GPHB5: variants seen among roughly 807,000 people sequenced by gnomAD.
GPHB5 encodes the protein glycoprotein hormone subunit beta 5.
Under a neutral mutation model 10.1 loss-of-function variants are expected in GPHB5, and 7 were observed. That is an observed-to-expected ratio of 0.69 (90% confidence interval 0.39 to 1.30). The LOEUF is 1.30. Ranked by LOEUF, GPHB5 falls within the 50% of genes most tolerant of loss-of-function variation. The pLI, the probability that GPHB5 is intolerant of heterozygous loss-of-function variation, is 0.01. For synonymous variants in GPHB5, 68 were observed against 70.1 expected (o/e 0.97, Z 0.15); for missense variants, 161 against 169.8 (o/e 0.95, Z 0.29).
rs1882798386 is a variant in GPHB5, at chr14:63,317,801, C to T, written c.49G>A (p.Ala17Thr). 9.3e-6 allele frequency: 15 copies of T among 1,613,928 alleles called. No homozygotes were observed. The highest frequency in any genetic ancestry group is 1.3e-5 in the Non-Finnish European group (15 of 1,179,898). Residue 17 changes from alanine to threonine, a missense_variant, in exon 2 of 3, where the codon GCT becomes ACT. Coordinates refer to ENST00000621500, the MANE Select transcript of GPHB5 (RefSeq NM_145171.4). ...GCACCGAGGACACAGCCATAGCCAG[C>T]CAGAAGGAGGAGGGCCATGGGGCCA... ...FLGPMALLLLAGYGCVLGASS... is the reference protein window; with the variant it reads ...FLGPMALLLLTGYGCVLGASS...
chr14:63,318,514 C>A (rs1882811287), intron 1 of GPHB5, among the ~76,000 whole-genome samples: 1 of 152,164 alleles, frequency 6.6e-6, no homozygotes, highest in Non-Finnish European at 1.5e-5. Context: ...ACTTATGATT[C>A]AATTTAAATC....
In GPHB5 at chr14:63,312,945, C is replaced by T. The variant is rs756336696; in HGVS notation, c.376G>A (p.Glu126Lys). ...TAGCGGCCTCAGATGGTCTCACACT[C>T]CGTGGTGGCAGTGGAGCAGGCTCCG... The part of the protein sequence containing the change: ...DCGACSTATT[E>K]CETI Residue 126 changes from glutamate (E) to lysine (K), a missense_variant, in exon 3 of 3, where the codon GAG becomes AAG. By Grantham distance (56) the Glu-to-Lys change is moderately conservative (BLOSUM62 1). Coordinates refer to ENST00000621500, the MANE Select transcript of GPHB5 (RefSeq NM_145171.4). 2 of 1,552,792 alleles carry T rather than the reference C, an allele frequency of 1.3e-6. No homozygotes were observed. Among genetic ancestry groups the T allele is most frequent in the African/African-American group, 1.4e-5 (1 of 73,140 alleles).
At chr14:63,317,912 C>G in intron 1 of GPHB5, 62 bp from the exon 2 acceptor site, 1 of 1,463,532 alleles carries the variant, frequency 6.8e-7, no homozygotes, top group South Asian at 1.2e-5. Flanking sequence ...AATGGCACAG[C>G]CAACCATGCA....
At chr14:63,314,558 A>C (rs1392037782) in intron 2 of GPHB5, among the ~76,000 whole-genome samples, 1 of 145,364 alleles carries the variant, frequency 6.9e-6, no homozygotes, top group African/African-American at 2.6e-5. Context: ...GACTACAGGC[A>C]CCCACCACCA....
At chr14:63,318,574 G>A (rs79120756) in intron 1 of GPHB5, among the ~76,000 whole-genome samples, 1,663 of 152,220 alleles carry the variant, frequency 0.011, 29 homozygotes, top group African/African-American at 0.037. Flanking sequence ...TCAATCCACC[G>A]TCAAGTCCAC....
intron 2 of GPHB5, among the ~76,000 whole-genome samples, chr14:63,314,065 A>C (rs1037465793): frequency 6.6e-6 from 1 of 152,214 alleles, no homozygotes; most frequent in Non-Finnish European, 1.5e-5. Context: ...ACATTACAAG[A>C]CAGGTTCCCG....
intron 2 of GPHB5, among the ~76,000 whole-genome samples, chr14:63,315,615 A>G (rs1344288133): frequency 6.6e-6 from 1 of 152,146 alleles, no homozygotes; most frequent in African/African-American, 2.4e-5. Context: ...TTCAAATGTA[A>G]ATCCAGCCAG....
chr14:63,317,223 A>C (rs1882785689), intron 2 of GPHB5, among the ~76,000 whole-genome samples: 1 of 152,070 alleles, frequency 6.6e-6, no homozygotes, highest in Admixed American at 6.5e-5. Context: ...AAACTGGCTA[A>C]TTTATCCAAA....
intron 1 of GPHB5, among the ~76,000 whole-genome samples, chr14:63,318,581 C>T (rs1882812239): frequency 6.6e-6 from 1 of 152,204 alleles, no homozygotes; most frequent in South Asian, 2.1e-4. Flanking sequence ...ACCGTCAAGT[C>T]CACCCTCTCT....
chr14:63,314,126 AC>A (rs1429791221), intron 2 of GPHB5, among the ~76,000 whole-genome samples: 5 of 152,244 alleles, frequency 3.3e-5, no homozygotes, highest in Non-Finnish European at 5.9e-5. Flanking sequence ...TCCTTCCTTC[AC>A]CTTTTATAAA....
In GPHB5 at chr14:63,317,695, C is replaced by A. The variant is rs79957669; in HGVS notation, c.155G>T (p.Gly52Val). ...TFLAKKPGCR[G>V]LRITTDACWG... ...GCAGGCATCCGTGGTGATCCGAAGG[C>A]CCCTGCAGCCTGGCTTCTTGGCCAG... The change falls in exon 2 of 3, where the codon GGC becomes GTC. Residue 52 changes from glycine to valine, a missense_variant. Gly to Val is a moderately radical substitution (Grantham distance 109, BLOSUM62 -3). Coordinates refer to ENST00000621500, the MANE Select transcript of GPHB5 (RefSeq NM_145171.4). 6 of 1,614,014 alleles carry A rather than the reference C, an allele frequency of 3.7e-6. No homozygotes were observed. The East Asian group carries it at 1.3e-4, about 36-fold the overall frequency.
chr14:63,313,170 A>C (rs184467105), intron 2 of GPHB5, 54 bp from the exon 3 acceptor site: 5 of 1,372,976 alleles, frequency 3.6e-6, no homozygotes, highest in South Asian at 1.4e-5. Flanking sequence ...ATCTTGTTTC[A>C]GTTTTTTAGT....
chr14:63,317,501 ATAGT>A, intron 2 of GPHB5, 141 bp downstream of exon 2: 1 of 690,882 alleles, frequency 1.4e-6, no homozygotes, highest in East Asian at 2.7e-5. Context: ...GATGCCAATC[ATAGT>A]TTTGTTTTGG....
intron 2 of GPHB5, among the ~76,000 whole-genome samples, chr14:63,316,059 G>A (rs550695490): frequency 6.6e-6 from 1 of 152,354 alleles, no homozygotes; most frequent in South Asian, 2.1e-4. Flanking sequence ...CCCTGAACAG[G>A]AGGAGGTGCC....
intron 1 of GPHB5, 94 bp from the exon 2 acceptor site, chr14:63,317,944 T>G: frequency 9.0e-7 from 1 of 1,115,782 alleles, no homozygotes; most frequent in Admixed American, 2.5e-5. Context: ...CAAAGGGACC[T>G]TGCTCCTAGC....
intron 2 of GPHB5, among the ~76,000 whole-genome samples, chr14:63,313,385 C>T (rs1164395280): frequency 6.6e-6 from 1 of 152,140 alleles, no homozygotes; most frequent in African/African-American, 2.4e-5. Context: ...CAAATACCTT[C>T]TAACTGGTCT....
chr14:63,317,067 T>C (rs1329191679), intron 2 of GPHB5, among the ~76,000 whole-genome samples: 3 of 152,158 alleles, frequency 2.0e-5, no homozygotes, highest in Non-Finnish European at 4.4e-5. Flanking sequence ...TAATTGAATA[T>C]GAAGGAACTT....
chr14:63,317,494 G>A (rs909940472), intron 2 of GPHB5, among the ~76,000 whole-genome samples, 152 bp downstream of exon 2: 1 of 152,204 alleles, frequency 6.6e-6, no homozygotes, highest in Non-Finnish European at 1.5e-5. Flanking sequence ...TTTGGAAGAT[G>A]CCAATCATAG....
intron 2 of GPHB5, among the ~76,000 whole-genome samples, chr14:63,314,886 CCTTTTTTTTTTCTTTTTT>C (rs1417229539): frequency 1.4e-5 from 2 of 141,546 alleles, no homozygotes; most frequent in Non-Finnish European, 3.0e-5. Context: ...AGCAGCCTTA[CCTTTTTTTTTTCTTTTTT>C]CTTTTTTTTT....
Sources: allele counts gnomAD v4.1 joint callset (sites outside exome capture counted in the v4.1 genomes callset), GRCh38; gene constraint gnomAD v4.1.1; transcripts MANE v1.5; gene names NCBI Gene and HGNC (gene_info 2026-07-23, HGNC 2026-07-21).